Variants in ZNRF3 observed in about 807,000 individuals in gnomAD.
ZNRF3 encodes the protein E3 ubiquitin-protein ligase ZNRF3.
ZNRF3 carries 23 observed loss-of-function variants against 72.5 expected under a neutral mutation model. The ratio of observed to expected loss-of-function variants is 0.32; its 90% CI spans 0.23 to 0.45. The LOEUF (loss-of-function observed/expected upper bound fraction) is 0.45. ZNRF3 is among the 20% of genes least tolerant of loss of function. The pLI is 1.00. For missense variants in ZNRF3, 1,169 were observed against 1,272.1 expected (o/e 0.92, Z 1.23); for synonymous variants, 610 against 545.3 (o/e 1.12, Z -1.65).
intron 1 of ZNRF3, among the ~76,000 whole-genome samples, chr22:28,888,043 G>T (rs760424563): frequency 3.3e-5 from 5 of 152,108 alleles, no homozygotes; most frequent in African/African-American, 7.2e-5. Context: ...GACAGGTTCT[G>T]TGTAACTTTA....
chr22:29,027,240 TTTTA>T (rs553182581), intron 2 of ZNRF3, among the ~76,000 whole-genome samples: 4 of 150,154 alleles, frequency 2.7e-5, no homozygotes, highest in South Asian at 2.1e-4. Context: ...TTTTATTTAA[TTTTA>T]TTTATTTATT....
intron 1 of ZNRF3, among the ~76,000 whole-genome samples, chr22:28,937,919 A>G (rs979858441): frequency 2.6e-5 from 4 of 152,250 alleles, no homozygotes; most frequent in African/African-American, 7.2e-5. Flanking sequence ...AGTTGCAAAG[A>G]TAGAACAGAG....
intron 2 of ZNRF3, among the ~76,000 whole-genome samples, chr22:29,012,058 T>C (rs1369920061): frequency 1.3e-5 from 2 of 152,196 alleles, no homozygotes; most frequent in South Asian, 2.1e-4. Context: ...GTCACCTGGA[T>C]TGGCCAAGTC....
At position 28,994,185 on chromosome 22, in the gene ZNRF3, T is replaced by TTTTTTTTTTTTC. The variant is rs1569274170; in HGVS notation, c.426+6995_426+6996insCTTTTTTTTTTT. Among the ~76,000 whole-genome samples the TTTTTTTTTTTTC allele has an allele frequency of 3.9e-4, 39 of 98,840 alleles. 3 individuals carry two copies. Among genetic ancestry groups the TTTTTTTTTTTTC allele is most frequent in the East Asian group, 2.1e-3 (6 of 2,830 alleles). The allele number at this position is 98,840 out of a possible 152,430, so 64.8% of individuals were successfully genotyped here. On this transcript the variant is annotated intron_variant, in intron 2 of 8. Coordinates refer to ENST00000544604, the MANE Select transcript of ZNRF3 (RefSeq NM_001206998.2). The stretch of plus-strand genomic sequence containing the variant: ...GTCCTTCAGTTCCTTTCTTTTTTTT[T>TTTTTTTTTTTTC]TTTTTTTTTTTTTTTTTTGAGATGG...
chr22:28,963,394 T>C (rs181726317), intron 1 of ZNRF3, among the ~76,000 whole-genome samples: 88 of 152,162 alleles, frequency 5.8e-4, no homozygotes, highest in African/African-American at 2.0e-3. Context: ...AAAGAGCCAA[T>C]AGCCCTTTAG....
chr22:28,884,200 C>T (rs924875614), intron 1 of ZNRF3, 134 bp downstream of exon 1: 2 of 686,320 alleles, frequency 2.9e-6, no homozygotes, highest in Middle Eastern at 7.2e-4. Context: ...GGCGGCATCC[C>T]TCCCCTGCGG....
intron 2 of ZNRF3, among the ~76,000 whole-genome samples, chr22:28,997,346 C>T (rs1383962459): frequency 6.6e-6 from 1 of 151,840 alleles, no homozygotes; most frequent in Non-Finnish European, 1.5e-5. Flanking sequence ...GCAATTTTCA[C>T]CCCAGGGGAT....
In ZNRF3 at chr22:29,007,213, G is replaced by T. The variant is rs2036267956; in HGVS notation, c.426+20012G>T. ...GCTCTAATGAATGGTCTTCACAGGG[G>T]TACCTACCAGTGGTTTTGGGATTAC... On this transcript the variant is annotated intron_variant, in intron 2 of 8. Coordinates refer to ENST00000544604, the MANE Select transcript of ZNRF3 (RefSeq NM_001206998.2). 3.3e-5 allele frequency among the ~76,000 whole-genome samples: 5 copies of T among 152,204 alleles called. No individual in the cohort carries two copies. In the South Asian group the frequency reaches 1.0e-3, roughly 32 times the overall value.
chr22:28,902,203 C>T (rs1322351439), intron 1 of ZNRF3, among the ~76,000 whole-genome samples: 1 of 152,138 alleles, frequency 6.6e-6, no homozygotes, highest in Non-Finnish European at 1.5e-5. Context: ...TCCCAAAGTG[C>T]TGGGATTACA....
chr22:28,987,940 G>C (rs997159419), intron 2 of ZNRF3, among the ~76,000 whole-genome samples: 16 of 152,154 alleles, frequency 1.1e-4, no homozygotes, highest in Non-Finnish European at 1.5e-4. Flanking sequence ...ATAAACGTTT[G>C]CTGCCATTGG....
Position 28,930,026 on chromosome 22 carries a change from ATTTG to A in ZNRF3, c.300+45968_300+45971del, listed in dbSNP as rs773298204. On this transcript the variant is annotated intron_variant, in intron 1 of 8. Transcript: ENST00000544604. ...AATGTACATTTCTGATGGGTTTTTT[ATTTG>A]TTTGTTTTTTCAAAGCAGAACAAAT... Among the ~76,000 whole-genome samples, 476 of 152,280 alleles carry A rather than the reference ATTTG, an allele frequency of 3.1e-3. 1 individual carries two copies. The highest frequency in any genetic ancestry group is 5.5e-3 in the Non-Finnish European group (377 of 68,006).
intron 1 of ZNRF3, among the ~76,000 whole-genome samples, chr22:28,884,617 G>A (rs752321191): frequency 7.9e-5 from 12 of 152,212 alleles, no homozygotes; most frequent in Non-Finnish European, 1.3e-4. Flanking sequence ...GGCAGGGGAG[G>A]AGGCGGAGCT....
At chr22:29,010,480 G>A (rs76720635) in intron 2 of ZNRF3, among the ~76,000 whole-genome samples, 8,028 of 152,018 alleles carry the variant, frequency 0.053, 417 homozygotes, top group African/African-American at 0.14. Flanking sequence ...TACATACCAC[G>A]TTTTGGTTAT....
chr22:29,005,875 A>G (rs1271059443), intron 2 of ZNRF3, among the ~76,000 whole-genome samples: 1 of 152,118 alleles, frequency 6.6e-6, no homozygotes, highest in Non-Finnish European at 1.5e-5. Context: ...GTCTCTACTA[A>G]CAATACAAAA....
chr22:29,011,915 A>G (rs1189030409), intron 2 of ZNRF3, among the ~76,000 whole-genome samples: 1 of 152,210 alleles, frequency 6.6e-6, no homozygotes, highest in Non-Finnish European at 1.5e-5. Context: ...AGAAATTTCC[A>G]GCTTCTCTTT....
chr22:28,965,259 C>T (rs530107000), intron 1 of ZNRF3, among the ~76,000 whole-genome samples: 1 of 152,300 alleles, frequency 6.6e-6, no homozygotes, highest in African/African-American at 2.4e-5. Context: ...GTTATACTTC[C>T]ATAGCCGTCC....
chr22:29,043,926 G>A (rs984733293), intron 4 of ZNRF3, among the ~76,000 whole-genome samples: 12 of 152,168 alleles, frequency 7.9e-5, no homozygotes, highest in South Asian at 4.1e-4. Context: ...GATTGAGTTC[G>A]ACGGCTAAAT....
Position 29,020,765 on chromosome 22 carries a change from G to T in ZNRF3, c.427-21730G>T, listed in dbSNP as rs1255497453. On this transcript the variant is annotated intron_variant, in intron 2 of 8. Coordinates refer to ENST00000544604, the MANE Select transcript of ZNRF3 (RefSeq NM_001206998.2). Reference sequence around the variant, plus strand: ...TTTCATTGAGAGGGGCTTTGTTTTTGTGTGTGTGTGGGTGTGTGTGTGTGT... The same window carrying T: ...TTTCATTGAGAGGGGCTTTGTTTTTTTGTGTGTGTGGGTGTGTGTGTGTGT... Among the ~76,000 whole-genome samples, 410 of 59,116 alleles carry T rather than the reference G, an allele frequency of 6.9e-3. 6 individuals carry two copies. In the East Asian group the frequency reaches 0.095, roughly 14 times the overall value. 38.8% of individuals were successfully genotyped at this position (59,116 alleles called of 152,430 possible). A position where few individuals can be genotyped will look rare whatever the true frequency, so the allele number is the denominator to read the frequency against.
chr22:28,959,254 G>A (rs1316103105), intron 1 of ZNRF3, among the ~76,000 whole-genome samples: 1 of 152,242 alleles, frequency 6.6e-6, no homozygotes, highest in Non-Finnish European at 1.5e-5. Context: ...TGGAACCCAG[G>A]TGGGTAGGTG....
Sources: gnomAD v4.1 joint callset for allele counts (sites outside exome capture counted in the v4.1 genomes callset) on GRCh38, gnomAD v4.1.1 for gene constraint, MANE v1.5 for transcripts, NCBI Gene and HGNC (gene_info 2026-07-23, HGNC 2026-07-21) for gene names.